The following FRAS1 variants were observed in gnomAD, a reference collection of about 807,000 sequenced individuals.
The protein encoded by FRAS1 is extracellular matrix organizing protein FRAS1.
A neutral mutation model predicts 435.2 loss-of-function variants in FRAS1; 290 were observed. That is an observed-to-expected ratio of 0.67 (90% CI 0.61 to 0.73). FRAS1 has a LOEUF of 0.73. Ranked by LOEUF, FRAS1 falls within the 30% of genes least tolerant of loss-of-function variation. The pLI is 0.00. For synonymous variants in FRAS1, 1,800 were observed against 1,851.0 expected (o/e 0.97, Z 0.71); for missense variants, 4,860 against 5,001.5 (o/e 0.97, Z 0.85).
intron 2 of FRAS1, among the ~76,000 whole-genome samples, chr4:78,214,738 A>G (rs1424463473): frequency 2.0e-5 from 3 of 152,210 alleles, no homozygotes; most frequent in African/African-American, 7.2e-5. Flanking sequence ...ACTGTGGGCA[A>G]GTGAGTTGTG....
At chr4:78,213,911 C>A (rs900438686) in intron 2 of FRAS1, among the ~76,000 whole-genome samples, 2 of 152,180 alleles carry the variant, frequency 1.3e-5, no homozygotes, top group Non-Finnish European at 2.9e-5. Flanking sequence ...GTTAGAAACA[C>A]TCATGTGTAT....
intron 53 of FRAS1, among the ~76,000 whole-genome samples, 187 bp from the exon 54 acceptor site, chr4:78,475,251 T>G (rs2109854167): frequency 6.6e-6 from 1 of 152,354 alleles, no homozygotes; most frequent in Non-Finnish European, 1.5e-5. Flanking sequence ...TCCCTGTTTG[T>G]TTCGTGCTCT....
chr4:78,227,611 G>A (rs907723187), intron 2 of FRAS1, among the ~76,000 whole-genome samples: 1 of 152,218 alleles, frequency 6.6e-6, no homozygotes, highest in African/African-American at 2.4e-5. Context: ...GCTGGCTAGA[G>A]GAAGAGTTAG....
At chr4:78,068,374 C>G (rs988283269) in intron 2 of FRAS1, among the ~76,000 whole-genome samples, 5 of 152,072 alleles carry the variant, frequency 3.3e-5, no homozygotes, top group East Asian at 1.9e-4. Context: ...AAGGAGCTAG[C>G]CTGGTGGATA....
rs575179601 is a variant in FRAS1 at position 78,144,410 on chromosome 4, C to G, written c.108+78394C>G. ...GTCAACATTGCTGTTAAACCATCAT[C>G]TTTTCTTTTCCTGCCTTCTCATTTT... On this transcript the variant is annotated intron_variant, in intron 2 of 73. Transcript: ENST00000512123. Among the ~76,000 whole-genome samples the G allele has an allele frequency of 5.3e-5, 8 of 151,738 alleles. No homozygotes were observed. The South Asian group carries it at 1.7e-3, about 31-fold the overall frequency.
chr4:78,195,904 C>A (rs1298493551), intron 2 of FRAS1, among the ~76,000 whole-genome samples: 5 of 151,776 alleles, frequency 3.3e-5, no homozygotes, highest in South Asian at 2.1e-4. Context: ...TCCTATTCGG[C>A]CATCTTGGCT....
intron 18 of FRAS1, among the ~76,000 whole-genome samples, chr4:78,321,691 A>G (rs1187059523): frequency 6.6e-6 from 1 of 151,992 alleles, no homozygotes; most frequent in Non-Finnish European, 1.5e-5. Context: ...TAAAAATACA[A>G]AAAATTAGCT....
chr4:78,344,479 G>C (rs376907161), intron 20 of FRAS1, among the ~76,000 whole-genome samples: 1,376 of 78,778 alleles, frequency 0.017, 9 homozygotes, highest in African/African-American at 0.03. Context: ...TGATTCCAGA[G>C]TCTGGAATGT....
At chr4:78,524,159 C>T (rs182307978) in intron 69 of FRAS1, among the ~76,000 whole-genome samples, 1 of 152,332 alleles carries the variant, frequency 6.6e-6, no homozygotes, top group East Asian at 1.9e-4. Context: ...CTGCTGGTCC[C>T]AGTTTTTCAC....
intron 66 of FRAS1, among the ~76,000 whole-genome samples, chr4:78,518,510 C>T (rs1338830274): frequency 2.0e-5 from 3 of 148,146 alleles, no homozygotes; most frequent in African/African-American, 7.6e-5. Flanking sequence ...AATGTGTGAA[C>T]TAACTCCCCA....
intron 2 of FRAS1, among the ~76,000 whole-genome samples, chr4:78,222,917 G>A (rs541011085): frequency 6.6e-6 from 1 of 152,308 alleles, no homozygotes; most frequent in African/African-American, 2.4e-5. Flanking sequence ...CAGGGAGTGG[G>A]TGATGCTGGT....
chr4:78,278,726 T>G lies in FRAS1; in HGVS notation c.1053T>G (p.Tyr351Ter). ...TTTCAAGGAATGGTTATTGTGTTTA[T>G]GAAGAAACTGGAGAATTTGTGAGTA... is the stretch of plus-strand genomic sequence containing the variant. ...ECISRNGYCV[Y>*]EETGEFMSSN... Residue 351 changes from tyrosine (Y) to a stop codon, truncating the protein, a stop_gained, in exon 10 of 74, where the codon TAT (tyrosine) becomes TAG (stop). Transcript: ENST00000512123. LOFTEE classifies it high-confidence loss of function. 2 of 1,595,684 alleles carry G rather than the reference T, an allele frequency of 1.3e-6. No individual in the cohort carries two copies. The highest frequency in any genetic ancestry group is 1.7e-6 in the Non-Finnish European group (2 of 1,164,602).
In FRAS1 at chr4:78,539,167, C is replaced by T. The variant is rs888986357; in HGVS notation, c.11299-127C>T. 10 of 843,564 alleles carry T rather than the reference C, an allele frequency of 1.2e-5. No individual in the cohort carries two copies. The African/African-American group carries it at 1.2e-4, about 10-fold the overall frequency. The allele number at this position is 843,564 out of a possible 1,614,324, so 52.3% of individuals were successfully genotyped here. A position where few individuals can be genotyped will look rare whatever the true frequency, so the allele number is the denominator to read the frequency against. On this transcript the variant is annotated intron_variant, in intron 72 of 73. Transcript: ENST00000512123. ...CTGACTTATGGAGAGGGCTTCACAG[C>T]ACATACTCTCTCAACTCAACCTAAA... is the stretch of plus-strand genomic sequence containing the variant.
At chr4:78,449,397 CG>C (rs1412205911) in intron 44 of FRAS1, among the ~76,000 whole-genome samples, 4 of 152,172 alleles carry the variant, frequency 2.6e-5, no homozygotes, top group African/African-American at 7.2e-5. Context: ...CTCTGAGAAA[CG>C]GCCTGGGTAA....
chr4:78,255,181 G>A, intron 5 of FRAS1, 61 bp from the exon 6 acceptor site: 1 of 1,535,200 alleles, frequency 6.5e-7, no homozygotes, highest in Non-Finnish European at 8.8e-7. Context: ...CGCCCATGCA[G>A]TCAGCCCTGG....
At chr4:78,299,037 A>T (rs1453948553) in intron 14 of FRAS1, among the ~76,000 whole-genome samples, 2 of 152,222 alleles carry the variant, frequency 1.3e-5, no homozygotes, top group African/African-American at 2.4e-5. Context: ...GGAAATATAA[A>T]CAGGAAATTA....
At position 78,475,583 on chromosome 4, in the gene FRAS1, G is replaced by A; in HGVS notation, c.7828G>A (p.Asp2610Asn). 1 of 1,608,916 alleles carries A rather than the reference G, an allele frequency of 6.2e-7. No homozygotes were observed. The highest frequency in any genetic ancestry group is 8.5e-7 in the Non-Finnish European group (1 of 1,176,466). Residue 2610 changes from aspartate (D) to asparagine (N), a missense_variant, in exon 54 of 74, where the codon GAC (aspartate) becomes AAC (asparagine). Asp to Asn is a conservative substitution (Grantham distance 23, BLOSUM62 1). Transcript: ENST00000512123. ...SRVSSQPGQQ[D>N]YVEYAGQVQF... ...GGTCAGCTCCCAACCTGGGCAACAG[G>A]ACTATGTAGAGTATGCTGGCCAGGT...
intron 16 of FRAS1, 71 bp downstream of exon 16, chr4:78,315,805 T>C (rs1729222567): frequency 1.3e-6 from 2 of 1,554,866 alleles, no homozygotes; most frequent in Admixed American, 1.7e-5. Flanking sequence ...TGGTGTTATA[T>C]GTTGCTAATT....
At chr4:78,398,623 A>C (rs1357357225) in intron 29 of FRAS1, among the ~76,000 whole-genome samples, 1 of 152,366 alleles carries the variant, frequency 6.6e-6, no homozygotes, top group African/African-American at 2.4e-5. Context: ...GGTTGTTGGC[A>C]TATGACTGGT....
Sources: gnomAD v4.1 joint callset for allele counts (sites outside exome capture counted in the v4.1 genomes callset) on GRCh38, gnomAD v4.1.1 for gene constraint, MANE v1.5 for transcripts, NCBI Gene and HGNC (gene_info 2026-07-23, HGNC 2026-07-21) for gene names.